The following DNER variants were observed in gnomAD, a reference collection of about 807,000 sequenced individuals.
The protein encoded by DNER is delta/notch like EGF repeat containing, also known as delta and Notch-like epidermal growth factor-related receptor.
Under a neutral mutation model 78.2 loss-of-function variants are expected in DNER, and 33 were observed. The ratio of observed to expected loss-of-function variants is 0.42; its 90% CI spans 0.32 to 0.56. The LOEUF is 0.56. DNER is among the 20% of genes least tolerant of loss of function. DNER has a pLI of 0.11. For synonymous variants in DNER, 417 were observed against 384.8 expected, an observed-to-expected ratio of 1.08 and a Z score of -0.98; for missense variants, 918 against 975.3, an observed-to-expected ratio of 0.94 and a Z score of 0.78.
chr2:229,586,857 A>G, intron 3 of DNER: 1 of 985,522 alleles, frequency 1.0e-6, no homozygotes, highest in Non-Finnish European at 1.2e-6. Flanking sequence ...CCGCTCCCCC[A>G]GCACAGGGCT....
intron 1 of DNER, among the ~76,000 whole-genome samples, chr2:229,610,470 T>A (rs962897295): frequency 6.6e-5 from 10 of 152,212 alleles, no homozygotes; most frequent in Non-Finnish European, 1.5e-4. Flanking sequence ...TTCATGAGGA[T>A]GGCTCAGGGT....
chr2:229,588,550 T>A, intron 2 of DNER, 62 bp from the exon 3 acceptor site: 1 of 1,434,640 alleles, frequency 7.0e-7, no homozygotes, highest in South Asian at 1.2e-5. Flanking sequence ...CATAATGTGA[T>A]AAAGCAAAAT....
intron 7 of DNER, among the ~76,000 whole-genome samples, chr2:229,466,684 A>G (rs533930539): frequency 1.3e-5 from 2 of 152,344 alleles, no homozygotes; most frequent in East Asian, 1.9e-4. Flanking sequence ...TAATCAAGAA[A>G]TAGTATGTGA....
chr2:229,481,131 C>A (rs1423551959), intron 6 of DNER, among the ~76,000 whole-genome samples: 1 of 152,204 alleles, frequency 6.6e-6, no homozygotes, highest in Non-Finnish European at 1.5e-5. Context: ...CCACCCCAGT[C>A]TCCCTGGAAA....
At chr2:229,583,766 A>G (rs1697444461) in intron 4 of DNER, among the ~76,000 whole-genome samples, 2 of 152,250 alleles carry the variant, frequency 1.3e-5, no homozygotes, top group Admixed American at 1.3e-4. Flanking sequence ...AGTTACTTCA[A>G]ATGTATTGGG....
chr2:229,368,166 C>T (rs941647937), intron 11 of DNER, among the ~76,000 whole-genome samples: 3 of 152,056 alleles, frequency 2.0e-5, no homozygotes, highest in Non-Finnish European at 2.9e-5. Flanking sequence ...AGTTTGAGAC[C>T]AGCCTGAGCA....
intron 1 of DNER, among the ~76,000 whole-genome samples, chr2:229,648,318 T>C (rs1446181492): frequency 6.6e-6 from 1 of 152,254 alleles, no homozygotes; most frequent in Non-Finnish European, 1.5e-5. Flanking sequence ...AACTACATTA[T>C]GTAAGTTACA....
At chr2:229,439,861 G>A (rs184705315) in intron 8 of DNER, among the ~76,000 whole-genome samples, 1 of 152,184 alleles carries the variant, frequency 6.6e-6, no homozygotes, top group African/African-American at 2.4e-5. Flanking sequence ...GCAAGATGAC[G>A]TAAAATGATT....
chr2:229,418,284 G>T lies in DNER; in HGVS notation c.1487-54C>A, dbSNP rs986832991. 2.1e-5 allele frequency: 33 copies of T among 1,609,638 alleles called. No homozygotes were observed. In the South Asian group the frequency reaches 2.8e-4, roughly 13 times the overall value. ...CAAATGCATCCCATTTACAACCCAC[G>T]CGGGACCAGCCTGCAAGGAAGGCAG... is the stretch of plus-strand genomic sequence containing the variant. On this transcript the variant is annotated intron_variant, in intron 8 of 12. Coordinates refer to ENST00000341772, the MANE Select transcript of DNER (RefSeq NM_139072.4).
rs548454844 is a variant in DNER at position 229,644,407 on chromosome 2, G to A, written c.277-52519C>T. Among the ~76,000 whole-genome samples, 522 of 134,518 alleles carry A rather than the reference G, an allele frequency of 3.9e-3. 5 individuals are homozygous for A. The highest frequency in any genetic ancestry group is 0.014 in the African/African-American group (500 of 35,278). The allele number at this position is 134,518 out of a possible 152,430, so 88.2% of individuals were successfully genotyped here. A position where few individuals can be genotyped will look rare whatever the true frequency, so the allele number is the denominator to read the frequency against. ...CTCCCAGGCTGGAGTGCAGTGGTGT[G>A]ATCTCAGCTCACTGCAACCTCCACC... On this transcript the variant is annotated intron_variant, in intron 1 of 12. Coordinates refer to ENST00000341772, the MANE Select transcript of DNER (RefSeq NM_139072.4).
At chr2:229,496,001 T>C (rs1695493172) in intron 6 of DNER, among the ~76,000 whole-genome samples, 1 of 152,202 alleles carries the variant, frequency 6.6e-6, no homozygotes, top group South Asian at 2.1e-4. Context: ...GACACAGTAT[T>C]GCCCTACAGA....
intron 10 of DNER, among the ~76,000 whole-genome samples, chr2:229,400,962 T>G (rs1693253762): frequency 6.6e-6 from 1 of 152,024 alleles, no homozygotes; most frequent in Non-Finnish European, 1.5e-5. Context: ...ATCATAAATC[T>G]CATTGACAGT....
chr2:229,613,411 G>A (rs116277740), intron 1 of DNER, among the ~76,000 whole-genome samples: 2,342 of 152,262 alleles, frequency 0.015, 57 homozygotes, highest in Middle Eastern at 0.048. Context: ...AATGCATTGC[G>A]TAGAAAATAA....
intron 1 of DNER, among the ~76,000 whole-genome samples, chr2:229,713,854 G>C (rs1699947539): frequency 6.6e-6 from 1 of 152,112 alleles, no homozygotes; most frequent in Admixed American, 6.5e-5. Flanking sequence ...GGAGGGGCGC[G>C]CCACTCAGTG....
chr2:229,447,449 G>A lies in DNER; in HGVS notation c.1353C>T (p.His451=). Residue 451 remains histidine, a synonymous_variant, in exon 8 of 13, where the codon CAC becomes CAT. Transcript: ENST00000341772. ...NNGTCYVDGV[H]FTCNCSPGFT... ...AGCCCGGGCTGCAGTTGCAGGTAAA[G>A]TGTACCCCGTCCACATAGCAGGTGC... 1 of 1,614,166 alleles carries A rather than the reference G, an allele frequency of 6.2e-7. No individual in the cohort carries two copies. The highest frequency in any genetic ancestry group is 8.5e-7 in the Non-Finnish European group (1 of 1,180,022).
intron 7 of DNER, among the ~76,000 whole-genome samples, chr2:229,475,488 C>T (rs1263916672): frequency 6.6e-6 from 1 of 152,238 alleles, no homozygotes; most frequent in Non-Finnish European, 1.5e-5. Context: ...CCCTTCTGTG[C>T]ATCTTCAAAG....
intron 8 of DNER, among the ~76,000 whole-genome samples, chr2:229,422,294 C>G (rs975758182): frequency 4.0e-5 from 6 of 151,850 alleles, no homozygotes; most frequent in Non-Finnish European, 8.8e-5. Context: ...GGCAGTATGC[C>G]CAGTGTCTGA....
At chr2:229,693,419 C>A (rs532412616) in intron 1 of DNER, among the ~76,000 whole-genome samples, 1 of 151,814 alleles carries the variant, frequency 6.6e-6, no homozygotes, top group Admixed American at 6.6e-5. Flanking sequence ...GAGAGTGGGA[C>A]GCTGCTGTAA....
chr2:229,465,553 T>G (rs1324735425), intron 7 of DNER, among the ~76,000 whole-genome samples: 1 of 151,768 alleles, frequency 6.6e-6, no homozygotes, highest in African/African-American at 2.4e-5. Context: ...AACCCACACA[T>G]CCTACACATG....
Sources: allele counts gnomAD v4.1 joint callset (sites outside exome capture counted in the v4.1 genomes callset), GRCh38; gene constraint gnomAD v4.1.1; transcripts MANE v1.5; gene names NCBI Gene and HGNC (gene_info 2026-07-23, HGNC 2026-07-21).